Variants in SUZ12 observed in about 807,000 individuals in gnomAD.
The protein encoded by SUZ12 is SUZ12 polycomb repressive complex 2 subunit.
A neutral mutation model predicts 87.3 loss-of-function variants in SUZ12; 17 were observed. That is an observed-to-expected ratio of 0.19 (90% CI 0.13 to 0.29). The LOEUF is 0.29. SUZ12 is among the 10% of genes least tolerant of loss of function. The pLI, the probability that SUZ12 is intolerant of heterozygous loss-of-function variation, is 1.00. For missense variants in SUZ12, 526 were observed against 912.2 expected (o/e 0.58, Z 5.45); for synonymous variants, 253 against 312.4 (o/e 0.81, Z 2.01).
chr17:31,941,630 A>G (rs1034282444), intron 3 of SUZ12, among the ~76,000 whole-genome samples: 4 of 150,876 alleles, frequency 2.7e-5, no homozygotes, highest in Non-Finnish European at 5.9e-5. Context: ...GCTCACTGCA[A>G]CCTCTGCCTC....
chr17:31,941,779 G>A (rs541374278), intron 3 of SUZ12, among the ~76,000 whole-genome samples: 1 of 151,738 alleles, frequency 6.6e-6, no homozygotes, highest in East Asian at 1.9e-4. Context: ...TCGATCTCCT[G>A]ACGTCAGGAT....
intron 3 of SUZ12, among the ~76,000 whole-genome samples, chr17:31,946,235 A>G (rs1431242346): frequency 1.3e-5 from 2 of 152,206 alleles, no homozygotes; most frequent in Admixed American, 6.5e-5. Context: ...GTTGAATACA[A>G]TAAATAGCTC....
At chr17:31,984,771 T>G (rs766721409) in intron 9 of SUZ12, among the ~76,000 whole-genome samples, 3 of 152,188 alleles carry the variant, frequency 2.0e-5, no homozygotes, top group Non-Finnish European at 4.4e-5. Context: ...CAGAGATACT[T>G]TTGAGAGTTC....
In SUZ12 at chr17:31,995,554, T is replaced by C. The variant is rs1339952561; in HGVS notation, c.1596-10T>C. On this transcript the variant is annotated splice_polypyrimidine_tract_variant and intron_variant, in intron 13 of 15. Coordinates refer to ENST00000322652, the MANE Select transcript of SUZ12 (RefSeq NM_015355.4). ...GAGGCCATAAATCAACATTTATTTC[T>C]TTTCATTAGGCCAAAACGAACAAAA... 3 of 1,613,448 alleles carry C rather than the reference T, an allele frequency of 1.9e-6. No individual in the cohort carries two copies. Among genetic ancestry groups the C allele is most frequent in the East Asian group, 2.2e-5 (1 of 44,856 alleles).
At chr17:31,985,427 T>G (rs1909351551) in intron 9 of SUZ12, among the ~76,000 whole-genome samples, 1 of 151,096 alleles carries the variant, frequency 6.6e-6, no homozygotes, top group Non-Finnish European at 1.5e-5. Context: ...TACATAACTG[T>G]ATACATATAT....
At chr17:31,945,275 A>T (rs939863408) in intron 3 of SUZ12, among the ~76,000 whole-genome samples, 1 of 152,106 alleles carries the variant, frequency 6.6e-6, no homozygotes, top group Non-Finnish European at 1.5e-5. Context: ...TACTATTACA[A>T]CAACATAATA....
At chr17:31,974,483 C>T (rs1368608377) in intron 6 of SUZ12, among the ~76,000 whole-genome samples, 1 of 152,204 alleles carries the variant, frequency 6.6e-6, no homozygotes, top group Non-Finnish European at 1.5e-5. Context: ...GCCGAGATCG[C>T]ACAACTGCAC....
At chr17:31,940,892 C>A (rs1906235301) in intron 3 of SUZ12, among the ~76,000 whole-genome samples, 1 of 151,676 alleles carries the variant, frequency 6.6e-6, no homozygotes, top group South Asian at 2.1e-4. Flanking sequence ...TGCCTGTAAT[C>A]CCAGTTACTT....
chr17:31,985,206 C>T (rs138583222), intron 9 of SUZ12, among the ~76,000 whole-genome samples: 4,701 of 147,432 alleles, frequency 0.032, 269 homozygotes, highest in African/African-American at 0.11. Flanking sequence ...TACTATAGGG[C>T]AGACTGGCAA....
chr17:31,962,905 T>C (rs1453967501), intron 4 of SUZ12, among the ~76,000 whole-genome samples: 2 of 152,258 alleles, frequency 1.3e-5, no homozygotes, highest in Admixed American at 6.5e-5. Context: ...AAGAGTAGGA[T>C]AGATTTGTTG....
In SUZ12 at chr17:31,937,281, G is replaced by C. The variant is rs776325989; in HGVS notation, c.35G>C (p.Gly12Ala). 1 of 1,387,162 alleles carries C rather than the reference G, an allele frequency of 7.2e-7. No individual in the cohort carries two copies. The highest frequency in any genetic ancestry group is 1.6e-5 in the South Asian group (1 of 61,516). The allele number at this position is 1,387,162 out of a possible 1,614,324, so 85.9% of individuals were successfully genotyped here. ...APQKHGGGGGGGSGPSAGSGG... is the reference protein window; with the variant it reads ...APQKHGGGGGAGSGPSAGSGG... ...CAGAAGCACGGCGGTGGGGGAGGGG[G>C]CGGCTCGGGGCCCAGCGCGGGGTCC... Residue 12 changes from glycine (G) to alanine (A), a missense_variant, in exon 1 of 16, where the codon GGC becomes GCC. By Grantham distance (60) the Gly-to-Ala change is moderately conservative. Around this residue, in one of 9 missense-constraint regions of SUZ12, gnomAD observed 92 missense variants for 109.9 expected, o/e 0.84. Transcript: ENST00000322652.
chr17:31,945,764 C>T (rs534206060), intron 3 of SUZ12, among the ~76,000 whole-genome samples: 2 of 152,284 alleles, frequency 1.3e-5, no homozygotes, highest in African/African-American at 2.4e-5. Context: ...TTCACTTCTC[C>T]TGTATACAGC....
At chr17:31,981,526 G>C (rs917472485) in intron 8 of SUZ12, among the ~76,000 whole-genome samples, 8 of 152,192 alleles carry the variant, frequency 5.3e-5, no homozygotes, top group Non-Finnish European at 8.8e-5. Context: ...AAATGGAATA[G>C]TACGTATCTA....
At chr17:31,992,569 C>A (rs1019624045) in intron 10 of SUZ12, among the ~76,000 whole-genome samples, 7 of 152,088 alleles carry the variant, frequency 4.6e-5, no homozygotes, top group African/African-American at 1.7e-4. Flanking sequence ...ACCACCATGC[C>A]CAGCTAATTT....
At chr17:31,939,760 A>G (rs1252787501) in intron 1 of SUZ12, among the ~76,000 whole-genome samples, 5 of 152,202 alleles carry the variant, frequency 3.3e-5, no homozygotes, top group Admixed American at 6.6e-5. Flanking sequence ...TCCCGACCTT[A>G]GGTGATCTGC....
chr17:31,962,796 G>T (rs75215554), intron 4 of SUZ12, among the ~76,000 whole-genome samples: 23,811 of 146,084 alleles, frequency 0.16, no homozygotes, highest in African/African-American at 0.31. Flanking sequence ...GATTTGGTAG[G>T]TGGGGTCTCA....
rs778647724 is a variant in SUZ12 at position 31,940,506 on chromosome 17, T to A, written c.386+20T>A. The A allele has an allele frequency of 1.3e-6, 2 of 1,521,920 alleles. No individual in the cohort carries two copies. The highest frequency in any genetic ancestry group is 4.7e-5 in the East Asian group (2 of 42,944). 94.3% of individuals were successfully genotyped at this position (1,521,920 alleles called of 1,614,324 possible). On this transcript the variant is annotated intron_variant, in intron 3 of 15. Transcript: ENST00000322652. Reference sequence around the variant, plus strand: ...CAAAAGGTACATTTTATGAATCTTATTTCAAGCTGATCAAACCATGTTAGT... The same window carrying A: ...CAAAAGGTACATTTTATGAATCTTAATTCAAGCTGATCAAACCATGTTAGT...
At chr17:31,990,405 C>T (rs1196971024) in intron 10 of SUZ12, among the ~76,000 whole-genome samples, 1 of 152,054 alleles carries the variant, frequency 6.6e-6, no homozygotes, top group Non-Finnish European at 1.5e-5. Context: ...GCCACCGCGC[C>T]CAGGCTGCAG....
At chr17:31,980,738 G>A (rs1598178073) in intron 8 of SUZ12, among the ~76,000 whole-genome samples, 1 of 146,544 alleles carries the variant, frequency 6.8e-6, no homozygotes, top group Non-Finnish European at 1.5e-5. Flanking sequence ...ATGAGCCACT[G>A]CGCCCCGGCC....
Sources: allele counts gnomAD v4.1 joint callset (sites outside exome capture counted in the v4.1 genomes callset), GRCh38; gene constraint gnomAD v4.1.1; regional missense constraint gnomAD v4.1.1; transcripts MANE v1.5; gene names NCBI Gene and HGNC (gene_info 2026-07-23, HGNC 2026-07-21).